Variants in AUTS2 observed in about 807,000 individuals in gnomAD.
AUTS2 encodes the protein autism susceptibility gene 2 protein.
Under a neutral mutation model 112.4 loss-of-function variants are expected in AUTS2, and 17 were observed. The observed-to-expected ratio is 0.15, with a 90% CI of 0.10 to 0.23. AUTS2 has a LOEUF of 0.23. Ranked by LOEUF, AUTS2 falls within the 10% of genes least tolerant of loss-of-function variation. AUTS2 has a pLI of 1.00. For synonymous variants in AUTS2, 751 were observed against 702.7 expected (o/e 1.07, Z -1.09); for missense variants, 1,510 against 1,701.6 (o/e 0.89, Z 1.98).
Position 70,791,468 on chromosome 7 carries a change from AATAG to A in AUTS2, c.*476_*479del, listed in dbSNP as rs1276936054. ...GAAAGCTTTACTTTGTACAAATGTA[AATAG>A]ATAAAGTAACATAATACATTAATAC... On this transcript the variant is annotated 3_prime_UTR_variant, in exon 19 of 19. Coordinates refer to ENST00000342771, the MANE Select transcript of AUTS2 (RefSeq NM_015570.4). 6.5e-6 allele frequency: 1 copy of A among 154,554 alleles called. No homozygotes were observed. Among genetic ancestry groups the A allele is most frequent in the East Asian group, 1.9e-4 (1 of 5,228 alleles). 9.6% of individuals were successfully genotyped at this position (154,554 alleles called of 1,614,324 possible). A position where few individuals can be genotyped will look rare whatever the true frequency, so the allele number is the denominator to read the frequency against.
rs1426068295 is a variant in AUTS2 at position 70,425,227 on chromosome 7, G to C, written c.661-10525G>C. ...GGGGAAAAAGAACTTGGAATTCCAAGCACTTTAAGAAAGATGCTTTTACTT... is the reference window on the plus strand; with the variant it reads ...GGGGAAAAAGAACTTGGAATTCCAACCACTTTAAGAAAGATGCTTTTACTT... On this transcript the variant is annotated intron_variant, in intron 4 of 18. Transcript: ENST00000342771. Among the ~76,000 whole-genome samples the C allele has an allele frequency of 2.6e-5, 4 of 152,334 alleles. No homozygotes were observed. In the East Asian group the frequency reaches 7.7e-4, roughly 29 times the overall value.
At chr7:70,215,270 A>T (rs1286265852) in intron 4 of AUTS2, among the ~76,000 whole-genome samples, 1 of 152,120 alleles carries the variant, frequency 6.6e-6, no homozygotes, top group African/African-American at 2.4e-5. Flanking sequence ...ACAGAGTAAG[A>T]CCCTTTCTCT....
At position 70,791,258 on chromosome 7, in the gene AUTS2, C is replaced by A. The variant is rs1791938301; in HGVS notation, c.*262C>A. The A allele has an allele frequency of 6.2e-5, 11 of 178,202 alleles. No individual in the cohort carries two copies. The highest frequency in any genetic ancestry group is 1.1e-4 in the East Asian group (1 of 9,430). The allele number at this position is 178,202 out of a possible 1,614,324, so 11.0% of individuals were successfully genotyped here. A position where few individuals can be genotyped will look rare whatever the true frequency, so the allele number is the denominator to read the frequency against. ...TCGTATAAAACTTTTTGATTTGAAC[C>A]AAAACAGTGAAGATGACAACACACA... On this transcript the variant is annotated 3_prime_UTR_variant, in exon 19 of 19. Coordinates refer to ENST00000342771, the MANE Select transcript of AUTS2 (RefSeq NM_015570.4).
Position 70,167,581 on chromosome 7 carries a change from A to G in AUTS2, c.660+33010A>G, listed in dbSNP as rs564103845. ...GGTCACCTTGACTCAATCAACATTTATAGAATGTGCCCTTCAACAGCAAAA... is the reference window on the plus strand; with the variant it reads ...GGTCACCTTGACTCAATCAACATTTGTAGAATGTGCCCTTCAACAGCAAAA... On this transcript the variant is annotated intron_variant, in intron 4 of 18. Coordinates refer to ENST00000342771, the MANE Select transcript of AUTS2 (RefSeq NM_015570.4). Among the ~76,000 whole-genome samples the G allele has an allele frequency of 5.9e-5, 9 of 152,334 alleles. No homozygotes were observed. In the South Asian group the frequency reaches 1.2e-3, roughly 21 times the overall value.
At chr7:69,602,915 T>C (rs2129070972) in intron 1 of AUTS2, among the ~76,000 whole-genome samples, 1 of 152,348 alleles carries the variant, frequency 6.6e-6, no homozygotes, top group African/African-American at 2.4e-5. Flanking sequence ...TTAAAACCTC[T>C]GGTGGTCCAC....
intron 4 of AUTS2, among the ~76,000 whole-genome samples, chr7:70,330,793 T>C (rs1268466423): frequency 6.6e-6 from 1 of 152,194 alleles, no homozygotes; most frequent in Non-Finnish European, 1.5e-5. Context: ...TCTTTTAAAA[T>C]TTCTTTTAGT....
intron 2 of AUTS2, among the ~76,000 whole-genome samples, chr7:70,108,339 T>A (rs1234110920): frequency 6.6e-6 from 1 of 152,154 alleles, no homozygotes; most frequent in East Asian, 1.9e-4. Flanking sequence ...TTAAAATGGA[T>A]AAACAGTAAA....
intron 2 of AUTS2, among the ~76,000 whole-genome samples, chr7:69,994,337 A>G (rs1798857564): frequency 6.6e-6 from 1 of 152,214 alleles, no homozygotes; most frequent in Admixed American, 6.5e-5. Context: ...GAATTTCTGA[A>G]TAATAGTTTC....
At chr7:70,568,938 G>T (rs1482557405) in intron 5 of AUTS2, among the ~76,000 whole-genome samples, 2 of 152,186 alleles carry the variant, frequency 1.3e-5, no homozygotes, top group Non-Finnish European at 2.9e-5. Flanking sequence ...CGGAAACCTT[G>T]AAGAGTGACA....
At chr7:69,628,463 T>G (rs975216887) in intron 1 of AUTS2, among the ~76,000 whole-genome samples, 1 of 152,190 alleles carries the variant, frequency 6.6e-6, no homozygotes, top group South Asian at 2.1e-4. Context: ...TAATGAACAT[T>G]TGTCGTAACT....
intron 6 of AUTS2, among the ~76,000 whole-genome samples, chr7:70,758,373 A>G (rs777267349): frequency 1.3e-5 from 2 of 152,132 alleles, no homozygotes; most frequent in Non-Finnish European, 2.9e-5. Flanking sequence ...ACCTCCACAG[A>G]GGTTGTAGAG....
At chr7:70,014,969 A>G (rs1799964417) in intron 2 of AUTS2, among the ~76,000 whole-genome samples, 1 of 152,192 alleles carries the variant, frequency 6.6e-6, no homozygotes, top group African/African-American at 2.4e-5. Flanking sequence ...AGCTGTTGCC[A>G]TTTTCTTGGA....
intron 4 of AUTS2, among the ~76,000 whole-genome samples, chr7:70,221,930 C>T (rs555823522): frequency 1.1e-4 from 16 of 152,114 alleles, no homozygotes; most frequent in African/African-American, 3.1e-4. Context: ...TTGGGTTTGG[C>T]TTTTTATCAT....
intron 4 of AUTS2, among the ~76,000 whole-genome samples, chr7:70,326,470 T>C (rs1010120336): frequency 1.5e-4 from 23 of 152,366 alleles, no homozygotes; most frequent in African/African-American, 5.1e-4. Context: ...TTAATAGTCC[T>C]TCTTACCTAA....
intron 15 of AUTS2, chr7:70,784,590 G>A (rs1791306308): frequency 4.9e-6 from 1 of 205,886 alleles, no homozygotes; most frequent in South Asian, 1.3e-4. Context: ...AAATTTACTT[G>A]GTTATAAAGC....
intron 6 of AUTS2, among the ~76,000 whole-genome samples, chr7:70,751,926 T>G (rs951821983): frequency 6.6e-6 from 1 of 151,816 alleles, no homozygotes; most frequent in Non-Finnish European, 1.5e-5. Flanking sequence ...AGTTTCACCA[T>G]GTTGGCCAGG....
At chr7:70,318,788 G>A (rs144988146) in intron 4 of AUTS2, among the ~76,000 whole-genome samples, 65 of 152,276 alleles carry the variant, frequency 4.3e-4, no homozygotes, top group African/African-American at 1.5e-3. Context: ...AGAGAACTGA[G>A]GTGCAGCCCC....
At chr7:69,630,611 T>G (rs1210232647) in intron 1 of AUTS2, among the ~76,000 whole-genome samples, 3 of 152,268 alleles carry the variant, frequency 2.0e-5, no homozygotes, top group African/African-American at 4.8e-5. Flanking sequence ...CTTGGAGCAG[T>G]TGAGACAACT....
chr7:69,829,404 A>T (rs1791398894), intron 1 of AUTS2, among the ~76,000 whole-genome samples: 1 of 152,208 alleles, frequency 6.6e-6, no homozygotes, highest in African/African-American at 2.4e-5. Context: ...GGATCTAATT[A>T]AACTAAAGAG....
Sources: allele counts gnomAD v4.1 joint callset (sites outside exome capture counted in the v4.1 genomes callset), GRCh38; gene constraint gnomAD v4.1.1; transcripts MANE v1.5; gene names NCBI Gene and HGNC (gene_info 2026-07-23, HGNC 2026-07-21).